Variants in CCDC18 observed in about 807,000 individuals in gnomAD.
CCDC18 encodes coiled-coil domain containing 18.
In CCDC18, 157 loss-of-function variants were observed where a neutral mutation model predicts 196.0. The observed-to-expected ratio is 0.80, with a 90% CI of 0.70 to 0.91. The LOEUF (loss-of-function observed/expected upper bound fraction) is 0.91. CCDC18 is among the 40% of genes least tolerant of loss of function. The pLI is 0.00. For missense variants in CCDC18, 1,465 were observed against 1,611.6 expected (o/e 0.91, Z 1.56); for synonymous variants, 482 against 529.2 (o/e 0.91, Z 1.22).
intron 1 of CCDC18, 50 bp downstream of exon 1, chr1:93,180,902 CG>C: frequency 7.4e-7 from 1 of 1,359,738 alleles, no homozygotes; most frequent in Non-Finnish European, 9.8e-7. Context: ...TGCGCCTTGG[CG>C]TGGGGAAACC....
intron 6 of CCDC18, 106 bp downstream of exon 6, chr1:93,193,850 G>T: frequency 3.7e-6 from 3 of 812,532 alleles, no homozygotes; most frequent in Non-Finnish European, 3.7e-6. Context: ...TCAGAGATTT[G>T]GCAATAAATT....
intron 6 of CCDC18, among the ~76,000 whole-genome samples, chr1:93,198,501 T>C (rs1318790777): frequency 6.6e-6 from 1 of 152,230 alleles, no homozygotes; most frequent in Non-Finnish European, 1.5e-5. Context: ...GTGCTGGAAG[T>C]GTTCTCTATT....
intron 9 of CCDC18, among the ~76,000 whole-genome samples, chr1:93,208,807 T>C (rs537727008): frequency 4.6e-5 from 7 of 151,818 alleles, no homozygotes; most frequent in Non-Finnish European, 1.0e-4. Flanking sequence ...GCTCAAACTA[T>C]AGCACGCACC....
intron 4 of CCDC18, among the ~76,000 whole-genome samples, chr1:93,189,814 C>T (rs1362273326): frequency 1.3e-5 from 2 of 152,040 alleles, no homozygotes; most frequent in African/African-American, 4.8e-5. Context: ...AGGCACGTGC[C>T]ACCATGCCTG....
intron 13 of CCDC18, among the ~76,000 whole-genome samples, chr1:93,216,971 G>A (rs1225218842): frequency 1.5e-5 from 2 of 129,376 alleles, no homozygotes; most frequent in Admixed American, 1.7e-4. Context: ...GTCTCACTCC[G>A]TCGCCCAGGC....
intron 7 of CCDC18, among the ~76,000 whole-genome samples, chr1:93,203,155 G>A (rs1385916897): frequency 6.6e-6 from 1 of 152,120 alleles, no homozygotes; most frequent in Non-Finnish European, 1.5e-5. Context: ...TAGCTATGAG[G>A]GATGTTAAAG....
intron 27 of CCDC18, among the ~76,000 whole-genome samples, chr1:93,268,869 G>A (rs942257347): frequency 1.1e-4 from 16 of 151,996 alleles, no homozygotes; most frequent in African/African-American, 3.1e-4. Context: ...ACAGTGTGGC[G>A]ATTCCTCAAG....
At chr1:93,243,985 TC>T (rs1354857973) in intron 21 of CCDC18, among the ~76,000 whole-genome samples, 2 of 152,238 alleles carry the variant, frequency 1.3e-5, no homozygotes, top group African/African-American at 4.8e-5. Context: ...TTTTTGGGTA[TC>T]TACAGTAGTG....
chr1:93,182,342 T>C (rs1281960970), intron 1 of CCDC18, among the ~76,000 whole-genome samples: 1 of 152,202 alleles, frequency 6.6e-6, no homozygotes, highest in Admixed American at 6.5e-5. Flanking sequence ...AGTTTAGTAT[T>C]CGTTAATTCA....
rs529848497 is a variant in CCDC18 at position 93,219,975 on chromosome 1, G to C, written c.1963-1634G>C. ...TATTCTTGTCTTCAGAGTCAAAGGA[G>C]AGAATGAGATTAGTGCAGGAAAATA... On this transcript the variant is annotated intron_variant, in intron 14 of 28. Transcript: ENST00000690025. Among the ~76,000 whole-genome samples, 7 of 152,264 alleles carry C rather than the reference G, an allele frequency of 4.6e-5. No homozygotes were observed. In the South Asian group the frequency reaches 1.5e-3, roughly 32 times the overall value.
At chr1:93,200,450 G>A (rs1571392453) in intron 6 of CCDC18, among the ~76,000 whole-genome samples, 1 of 151,788 alleles carries the variant, frequency 6.6e-6, no homozygotes, top group African/African-American at 2.4e-5. Context: ...AGACCAGCCC[G>A]GGCAAAATAG....
rs115170212 is a variant in CCDC18, at chr1:93,237,447, C to G, written c.2603+1057C>G. Among the ~76,000 whole-genome samples, 1,270 of 152,276 alleles carry G rather than the reference C, an allele frequency of 8.3e-3. 17 individuals are homozygous for G. The highest frequency in any genetic ancestry group is 0.029 in the African/African-American group (1,215 of 41,560). ...ACACATTCTGTTTCTTTCTCCAACC[C>G]CATCCCAACTTCTGAAAGACTTCTA... On this transcript the variant is annotated intron_variant, in intron 19 of 28. Coordinates refer to ENST00000690025, the MANE Select transcript of CCDC18 (RefSeq NM_001378204.1).
At chr1:93,193,450 CTCTT>C (rs1437224681) in intron 5 of CCDC18, among the ~76,000 whole-genome samples, 162 bp from the exon 6 acceptor site, 2 of 152,122 alleles carry the variant, frequency 1.3e-5, no homozygotes, top group Non-Finnish European at 2.9e-5. Context: ...CTTTAAAAAA[CTCTT>C]AATTAACAAG....
Position 93,264,832 on chromosome 1 carries a change from CA to C in CCDC18, c.3818del (p.Asn1273IlefsTer12). The C allele has an allele frequency of 6.2e-7, 1 of 1,613,402 alleles. No individual in the cohort carries two copies. The highest frequency in any genetic ancestry group is 8.5e-7 in the Non-Finnish European group (1 of 1,179,580). ...TAGAAGAAGCTCAGGATACTGTAAG[CA>C]ATTTGCATCAACAAGTCCAAGATAG... ...ELEEAQDTVSNLHQQVQDRNE... is the reference protein window; with the variant it reads ...ELEEAQDTVSXLHQQVQDRNE... On this transcript the variant is annotated frameshift_variant, in exon 27 of 29. Coordinates refer to ENST00000690025, the MANE Select transcript of CCDC18 (RefSeq NM_001378204.1). LOFTEE classifies it high-confidence loss of function.
At chr1:93,235,856 T>C (rs1353544437) in intron 18 of CCDC18, among the ~76,000 whole-genome samples, 2 of 152,014 alleles carry the variant, frequency 1.3e-5, no homozygotes, top group African/African-American at 2.4e-5. Flanking sequence ...CAAGTTAAGA[T>C]GGGAGCAAAT....
At chr1:93,237,729 C>A (rs576975838) in intron 19 of CCDC18, among the ~76,000 whole-genome samples, 1 of 152,214 alleles carries the variant, frequency 6.6e-6, no homozygotes, top group South Asian at 2.1e-4. Flanking sequence ...TACTGTTGCC[C>A]TCTCCAGCAT....
At chr1:93,242,546 C>CTGCCCCGGCCCCTCCCAAAT (rs1660955147) in intron 21 of CCDC18, among the ~76,000 whole-genome samples, 1 of 152,186 alleles carries the variant, frequency 6.6e-6, no homozygotes, top group South Asian at 2.1e-4. Flanking sequence ...AATCTCATGT[C>CTGCCCCGGCCCCTCCCAAAT]CTCACATTTC....
intron 19 of CCDC18, among the ~76,000 whole-genome samples, chr1:93,238,733 A>C (rs987784963): frequency 8.5e-5 from 13 of 152,200 alleles, no homozygotes; most frequent in Admixed American, 2.0e-4. Context: ...GGACTGACAA[A>C]GTTAGTAAAC....
intron 6 of CCDC18, among the ~76,000 whole-genome samples, chr1:93,201,389 T>C (rs989095108): frequency 7.2e-5 from 11 of 152,122 alleles, no homozygotes; most frequent in African/African-American, 2.7e-4. Context: ...TAAAGAGTGG[T>C]TGGTGGTGGT....
Sources: gnomAD v4.1 joint callset for allele counts (sites outside exome capture counted in the v4.1 genomes callset) on GRCh38, gnomAD v4.1.1 for gene constraint, MANE v1.5 for transcripts, NCBI Gene and HGNC (gene_info 2026-07-23, HGNC 2026-07-21) for gene names.